PRKAR1A: variants seen among roughly 807,000 people sequenced by gnomAD.
The protein encoded by PRKAR1A is cAMP-dependent protein kinase type I-alpha regulatory subunit.
Under a neutral mutation model 52.0 loss-of-function variants are expected in PRKAR1A, and 3 were observed. The ratio of observed to expected loss-of-function variants is 0.06; its 90% CI spans 0.03 to 0.15. The LOEUF is 0.15. Ranked by LOEUF, PRKAR1A falls within the 10% of genes least tolerant of loss-of-function variation. PRKAR1A has a pLI of 1.00. For missense variants in PRKAR1A, 240 were observed against 477.4 expected (o/e 0.50, Z 4.63); for synonymous variants, 188 against 168.4 (o/e 1.12, Z -0.90).
Position 68,532,432 on chromosome 17 carries a change from G to A in PRKAR1A, c.*1983G>A, listed in dbSNP as rs190813337. On this transcript the variant is annotated 3_prime_UTR_variant, in exon 11 of 11. Coordinates refer to ENST00000589228, the MANE Select transcript of PRKAR1A (RefSeq NM_002734.5). ...TTTGGCTTGCTGTTTACTCCCTTCTGTAGTTTTTAATTAAAAACTTTAAAG... is the reference window on the plus strand; with the variant it reads ...TTTGGCTTGCTGTTTACTCCCTTCTATAGTTTTTAATTAAAAACTTTAAAG... The A allele has an allele frequency of 2.8e-6, 3 of 1,059,960 alleles. No individual in the cohort carries two copies. The highest frequency in any genetic ancestry group is 1.6e-5 in the African/African-American group (1 of 60,902). The allele number at this position is 1,059,960 out of a possible 1,614,324, so 65.7% of individuals were successfully genotyped here.
chr17:68,537,562 A>T (rs551965708), downstream of PRKAR1A: 2 of 1,613,352 alleles, frequency 1.2e-6, no homozygotes, highest in East Asian at 4.5e-5. The surrounding 1 kb of genome is among the most constrained non-coding windows in gnomAD (Gnocchi z 4.2). Flanking sequence ...TCCATGGGCC[A>T]CTATGCACCC....
chr17:68,419,440 G>A, the PRKAR1A span, among the ~76,000 whole-genome samples: 1 of 152,122 alleles, frequency 6.6e-6, no homozygotes, highest in Non-Finnish European at 1.5e-5. Context: ...GCCGAGCGTG[G>A]TGGCAGGTGC....
upstream of PRKAR1A, among the ~76,000 whole-genome samples, chr17:68,509,592 C>A (rs535976317): frequency 5.9e-5 from 9 of 152,302 alleles, no homozygotes; most frequent in African/African-American, 2.2e-4. Flanking sequence ...AGAAGGGAAA[C>A]CATACAGAAA....
At chr17:68,521,278 T>C (rs2085598444) in intron 2 of PRKAR1A, among the ~76,000 whole-genome samples, 1 of 151,968 alleles carries the variant, frequency 6.6e-6, no homozygotes, top group Non-Finnish European at 1.5e-5. Context: ...TGCCCAGGCC[T>C]GAGTGCAGTG....
intron 11 of PRKAR1A, chr17:68,540,622 A>T: frequency 3.1e-6 from 2 of 637,470 alleles, no homozygotes; most frequent in Non-Finnish European, 5.8e-6. Flanking sequence ...GCAGGGTGAG[A>T]TGCCTGCCTT....
At chr17:68,452,316 G>A in the PRKAR1A span, among the ~76,000 whole-genome samples, 1 of 152,206 alleles carries the variant, frequency 6.6e-6, no homozygotes, top group African/African-American at 2.4e-5. Flanking sequence ...TGTAATCTCA[G>A]GACTTTGGGA....
At chr17:68,536,838 T>C (rs894484512), downstream of PRKAR1A, 1 of 454,166 alleles carries the variant, frequency 2.2e-6, no homozygotes. Context: ...GAACACTCCT[T>C]TTCTGATATT....
At chr17:68,470,575 A>G in the PRKAR1A span, among the ~76,000 whole-genome samples, 1 of 152,232 alleles carries the variant, frequency 6.6e-6, no homozygotes, top group South Asian at 2.1e-4. Context: ...GCTTAATATT[A>G]AAATACATTT....
At chr17:68,421,944 C>T in the PRKAR1A span, 1 of 1,221,252 alleles carries the variant, frequency 8.2e-7, no homozygotes, top group Non-Finnish European at 1.2e-6. Context: ...TGGAATTTTT[C>T]TGTCTGAACT....
the PRKAR1A span, among the ~76,000 whole-genome samples, chr17:68,442,732 GATC>G: frequency 6.6e-6 from 1 of 152,158 alleles, no homozygotes; most frequent in Non-Finnish European, 1.5e-5. Flanking sequence ...TCTCATTCCT[GATC>G]AGAAGAGCAC....
downstream of PRKAR1A, among the ~76,000 whole-genome samples, chr17:68,534,002 G>C (rs1434145685): frequency 6.6e-6 from 1 of 152,182 alleles, no homozygotes; most frequent in East Asian, 1.9e-4. Flanking sequence ...TAGCATTACA[G>C]GTGTGAGCCA....
At chr17:68,432,409 C>T in the PRKAR1A span, among the ~76,000 whole-genome samples, 1 of 152,200 alleles carries the variant, frequency 6.6e-6, no homozygotes, top group African/African-American at 2.4e-5. Context: ...TCTCTTTCAG[C>T]CTTGTGTCAT....
chr17:68,466,781 A>T, the PRKAR1A span, among the ~76,000 whole-genome samples: 1 of 152,186 alleles, frequency 6.6e-6, no homozygotes, highest in African/African-American at 2.4e-5. Flanking sequence ...TGAAATTTAC[A>T]TACAGTTAAC....
upstream of PRKAR1A, among the ~76,000 whole-genome samples, chr17:68,507,226 T>A (rs914580922): frequency 2.6e-5 from 4 of 152,176 alleles, no homozygotes; most frequent in African/African-American, 9.7e-5. Flanking sequence ...TGTGTGACAA[T>A]AGCAAAGACA....
At chr17:68,545,060 A>T (rs2086485623) in intron 11 of PRKAR1A, among the ~76,000 whole-genome samples, 1 of 152,230 alleles carries the variant, frequency 6.6e-6, no homozygotes, top group South Asian at 2.1e-4. Context: ...AAAGTTCTAC[A>T]TTCTCTCTTT....
the PRKAR1A span, among the ~76,000 whole-genome samples, chr17:68,429,207 A>G: frequency 1.3e-5 from 2 of 152,336 alleles, no homozygotes; most frequent in Admixed American, 1.3e-4. Context: ...TAGCTAGTGA[A>G]CACATTAGCT....
chr17:68,511,692 CGGCAG>C, upstream of PRKAR1A: 1 of 152,244 alleles, frequency 6.6e-6, no homozygotes, highest in Admixed American at 6.5e-5. Flanking sequence ...AGCGGAGACT[CGGCAG>C]GGCTCAGGTT....
chr17:68,414,283 T>C, the PRKAR1A span: 4 of 152,358 alleles, frequency 2.6e-5, no homozygotes, highest in East Asian at 7.7e-4. Flanking sequence ...CCATGTGATT[T>C]TTGTTTTTAA....
At chr17:68,545,203 T>A (rs2086491992) in intron 11 of PRKAR1A, among the ~76,000 whole-genome samples, 5 of 152,238 alleles carry the variant, frequency 3.3e-5, no homozygotes, top group Admixed American at 3.3e-4. Flanking sequence ...TAGATTACAC[T>A]GTGTTATGGT....
Sources: gnomAD v4.1 joint callset for allele counts (sites outside exome capture counted in the v4.1 genomes callset) on GRCh38, gnomAD v4.1.1 for gene constraint, Gnocchi (gnomAD v3.1) non-coding constraint, MANE v1.5 for transcripts, NCBI Gene and HGNC (gene_info 2026-07-23, HGNC 2026-07-21) for gene names.